The following GLDC variants were observed in gnomAD, a reference collection of about 807,000 sequenced individuals.
GLDC encodes glycine dehydrogenase (decarboxylating), mitochondrial.
In GLDC, 104 loss-of-function variants were observed where a neutral mutation model predicts 121.3. The ratio of observed to expected loss-of-function variants is 0.86; its 90% CI spans 0.73 to 1.01. GLDC has a LOEUF of 1.01. Ranked by LOEUF, GLDC falls within the 50% of genes least tolerant of loss-of-function variation. The pLI, the probability that GLDC is intolerant of heterozygous loss-of-function variation, is 0.00. For synonymous variants in GLDC, 546 were observed against 480.6 expected, an observed-to-expected ratio of 1.14 and a Z score of -1.78; for missense variants, 1,429 against 1,306.6, an observed-to-expected ratio of 1.09 and a Z score of -1.44.
intron 9 of GLDC, among the ~76,000 whole-genome samples, chr9:6,594,699 G>T (rs1818453485): frequency 6.6e-6 from 1 of 151,510 alleles, no homozygotes; most frequent in African/African-American, 2.4e-5. Context: ...CATTAAGCAA[G>T]GAAGCAAGCA....
At chr9:6,621,675 A>G (rs1352672880) in intron 2 of GLDC, among the ~76,000 whole-genome samples, 1 of 151,858 alleles carries the variant, frequency 6.6e-6, no homozygotes, top group Non-Finnish European at 1.5e-5. Flanking sequence ...ACATCACCAC[A>G]CCTGGCTAAT....
In GLDC at chr9:6,645,631, G is replaced by C. The variant is rs1277707299; in HGVS notation, c.-132C>G. On this transcript the variant is annotated 5_prime_UTR_variant, in exon 1 of 25. The change creates a new upstream start codon in the 5' untranslated region. Coordinates refer to ENST00000321612, the MANE Select transcript of GLDC (RefSeq NM_000170.3). The stretch of plus-strand genomic sequence containing the variant: ...CTTTCGCTGGACAGTCGGCCGGACA[G>C]ATGGATGGACGCTCGCGGGCAATGA... 3 of 546,358 alleles carry C rather than the reference G, an allele frequency of 5.5e-6. No individual in the cohort carries two copies. Among genetic ancestry groups the C allele is most frequent in the Non-Finnish European group, 7.9e-6 (3 of 379,578 alleles). The allele number at this position is 546,358 out of a possible 1,614,324, so 33.8% of individuals were successfully genotyped here.
At chr9:6,629,957 A>ATATTTTTTTTTTTT in intron 2 of GLDC, among the ~76,000 whole-genome samples, 1 of 83,062 alleles carries the variant, frequency 1.2e-5, no homozygotes, top group South Asian at 3.9e-4. Flanking sequence ...ATATATATAT[A>ATATTTTTTTTTTTT]TTTTTTTTTT....
intron 2 of GLDC, among the ~76,000 whole-genome samples, chr9:6,632,800 A>C (rs1051479753): frequency 1.3e-5 from 2 of 152,172 alleles, no homozygotes; most frequent in Non-Finnish European, 2.9e-5. Context: ...TGGACCTTGA[A>C]GTCCTCCCCT....
rs573934284 is a variant in GLDC, at chr9:6,532,801, T to C, written c.*216A>G. 45 of 558,382 alleles carry C rather than the reference T, an allele frequency of 8.1e-5. No homozygotes were observed. The South Asian group carries it at 8.2e-4, about 10-fold the overall frequency. The allele number at this position is 558,382 out of a possible 1,614,324, so 34.6% of individuals were successfully genotyped here. ...GCTCCCAATCCAGGCAACTGGCACA[T>C]GTGGAAGCAGAATACCAAAGCAAAT... is the stretch of plus-strand genomic sequence containing the variant. On this transcript the variant is annotated 3_prime_UTR_variant, in exon 25 of 25. Transcript: ENST00000321612.
chr9:6,536,469 G>C (rs911830298), intron 22 of GLDC, among the ~76,000 whole-genome samples: 2 of 152,024 alleles, frequency 1.3e-5, no homozygotes, highest in African/African-American at 4.8e-5. Flanking sequence ...GCACCTATAT[G>C]GTAAATAGAC....
chr9:6,581,287 G>C (rs1484352619), intron 15 of GLDC, among the ~76,000 whole-genome samples: 2 of 152,162 alleles, frequency 1.3e-5, no homozygotes. Flanking sequence ...CCCCCAATGG[G>C]ACTGATCTCT....
At position 6,533,073 on chromosome 9, in the gene GLDC, G is replaced by C; in HGVS notation, c.3007C>G (p.Pro1003Ala). 6.2e-7 allele frequency: 1 copy of C among 1,611,146 alleles called. No individual in the cohort carries two copies. The highest frequency in any genetic ancestry group is 8.5e-7 in the Non-Finnish European group (1 of 1,177,354). The change falls in exon 25 of 25, where the codon CCA becomes GCA. Residue 1003 changes from proline (P) to alanine (A), a missense_variant. Pro to Ala is a conservative substitution (Grantham distance 27). Coordinates refer to ENST00000321612, the MANE Select transcript of GLDC (RefSeq NM_000170.3). ...GGAGACTCATAAACTTCCATGGGTG[G>C]GCAGGTACAAACCAGGTGCTGATCT... ...YGDQHLVCTC[P>A]PMEVYESPFS...
chr9:6,543,971 T>C (rs1015448515), intron 21 of GLDC, among the ~76,000 whole-genome samples: 1 of 152,120 alleles, frequency 6.6e-6, no homozygotes, highest in African/African-American at 2.4e-5. Flanking sequence ...ATGTTGATTG[T>C]CTTCTGAGGG....
chr9:6,565,049 T>C (rs1563839537), intron 16 of GLDC, among the ~76,000 whole-genome samples: 1 of 152,192 alleles, frequency 6.6e-6, no homozygotes, highest in Non-Finnish European at 1.5e-5. Flanking sequence ...ATGCTTGCAA[T>C]GGCAACATTC....
At chr9:6,557,527 G>C (rs1817660202) in intron 17 of GLDC, 1 of 152,254 alleles carries the variant, frequency 6.6e-6, no homozygotes, top group Non-Finnish European at 1.5e-5. Context: ...CCGGGAGGCG[G>C]AGGTTGCAGT....
intron 15 of GLDC, among the ~76,000 whole-genome samples, chr9:6,584,033 A>G (rs893769930): frequency 2.0e-5 from 3 of 152,252 alleles, no homozygotes; most frequent in Non-Finnish European, 4.4e-5. Context: ...ATTTTGTGTT[A>G]TGTATATTTT....
intron 8 of GLDC, among the ~76,000 whole-genome samples, chr9:6,597,721 G>A (rs1051729068): frequency 6.6e-6 from 1 of 152,196 alleles, no homozygotes; most frequent in Non-Finnish European, 1.5e-5. Flanking sequence ...TGGATCATGA[G>A]GTCAGGAGAT....
intron 3 of GLDC, among the ~76,000 whole-genome samples, chr9:6,617,082 C>G (rs1046211736): frequency 1.3e-5 from 2 of 152,092 alleles, no homozygotes; most frequent in African/African-American, 2.4e-5. Flanking sequence ...GCTATGTCAT[C>G]CATTTATTTT....
At chr9:6,586,395 T>G (rs1563848475) in intron 15 of GLDC, among the ~76,000 whole-genome samples, 3 of 152,220 alleles carry the variant, frequency 2.0e-5, no homozygotes, top group Admixed American at 1.3e-4. Flanking sequence ...GAGTTTGTAT[T>G]TTTAACAAGT....
intron 20 of GLDC, among the ~76,000 whole-genome samples, chr9:6,552,717 G>A (rs1462343178): frequency 1.3e-5 from 2 of 152,128 alleles, no homozygotes; most frequent in Non-Finnish European, 2.9e-5. Context: ...CTTATTCACA[G>A]TCTTGTCAGT....
intron 18 of GLDC, among the ~76,000 whole-genome samples, chr9:6,555,222 G>C (rs537759037): frequency 6.6e-6 from 1 of 152,176 alleles, no homozygotes; most frequent in African/African-American, 2.4e-5. Context: ...GTTGGGCACA[G>C]TGATGGAAGG....
chr9:6,603,223 G>A (rs10975678), intron 7 of GLDC, among the ~76,000 whole-genome samples: 23 of 149,266 alleles, frequency 1.5e-4, no homozygotes, highest in Middle Eastern at 3.5e-3. Context: ...GAGAGACTCC[G>A]TCTCAAAAAA....
chr9:6,620,448 C>A, intron 2 of GLDC, 129 bp from the exon 3 acceptor site: 1 of 803,268 alleles, frequency 1.2e-6, no homozygotes, highest in South Asian at 1.4e-5. Context: ...AAGAGTCATC[C>A]ATCCAACCAA....
Sources: gnomAD v4.1 joint callset for allele counts (sites outside exome capture counted in the v4.1 genomes callset) on GRCh38, gnomAD v4.1.1 for gene constraint, MANE v1.5 for transcripts, NCBI Gene and HGNC (gene_info 2026-07-23, HGNC 2026-07-21) for gene names.